The following UGT2B7 variants were observed in gnomAD, a reference collection of about 807,000 sequenced individuals.
UGT2B7 encodes the protein UDP glucuronosyltransferase family 2 member B7, also known as UDP-glucuronosyltransferase 2B7.
In UGT2B7, 51 loss-of-function variants were observed where a neutral mutation model predicts 51.9. The observed-to-expected ratio is 0.98, with a 90% confidence interval of 0.78 to 1.24. The LOEUF (loss-of-function observed/expected upper bound fraction) is 1.24, where lower values mean the gene tolerates loss of function less well. Ranked by LOEUF, UGT2B7 falls within the 50% of genes most tolerant of loss-of-function variation. UGT2B7 has a pLI of 0.00. For synonymous variants in UGT2B7, 225 were observed against 211.6 expected, an observed-to-expected ratio of 1.06 and a Z score of -0.55; for missense variants, 727 against 628.4, an observed-to-expected ratio of 1.16 and a Z score of -1.68.
Position 69,100,661 on chromosome 4 carries a change from G to T in UGT2B7, c.870+1973G>T, listed in dbSNP as rs535730518. Among the ~76,000 whole-genome samples the T allele has an allele frequency of 5.3e-5, 8 of 152,120 alleles. 1 individual carries two copies. In the South Asian group the frequency reaches 6.2e-4, roughly 12 times the overall value. On this transcript the variant is annotated intron_variant, in intron 2 of 5. Coordinates refer to ENST00000305231, the MANE Select transcript of UGT2B7 (RefSeq NM_001074.4). ...GATAGTGTCAGTAGGAGGGGGAAGAGAATAGGAGGTGTAGAAGGACAAGAA... is the reference window on the plus strand; with the variant it reads ...GATAGTGTCAGTAGGAGGGGGAAGATAATAGGAGGTGTAGAAGGACAAGAA...
intron 2 of UGT2B7, among the ~76,000 whole-genome samples, chr4:69,099,558 A>G (rs1266390205): frequency 1.3e-5 from 2 of 152,060 alleles, no homozygotes; most frequent in African/African-American, 4.8e-5. Context: ...TGCAGGATTC[A>G]GGTAGCAGAT....
At chr4:69,074,727 T>C (rs1167208157) in intron 1 of UGT2B7, among the ~76,000 whole-genome samples, 2 of 152,136 alleles carry the variant, frequency 1.3e-5, no homozygotes, top group Non-Finnish European at 2.9e-5. Context: ...TAAATTTTTG[T>C]TCCTTGCTTC....
chr4:69,054,405 T>G (rs1455992043), intron 1 of UGT2B7, among the ~76,000 whole-genome samples: 1 of 152,118 alleles, frequency 6.6e-6, no homozygotes, highest in Non-Finnish European at 1.5e-5. Context: ...AACCTAAACA[T>G]AAAGTCTCCC....
intron 3 of UGT2B7, among the ~76,000 whole-genome samples, chr4:69,103,413 A>G (rs570640567): frequency 6.6e-6 from 1 of 152,112 alleles, no homozygotes; most frequent in Non-Finnish European, 1.5e-5. Context: ...AGTAGTTCCT[A>G]TTAGCATCAG....
intron 1 of UGT2B7, among the ~76,000 whole-genome samples, chr4:69,079,320 T>C (rs1718784528): frequency 6.6e-6 from 1 of 152,122 alleles, no homozygotes; most frequent in Admixed American, 6.6e-5. Flanking sequence ...TTAAAGCACA[T>C]TGAGAAGCTG....
intron 1 of UGT2B7, among the ~76,000 whole-genome samples, chr4:69,073,085 T>C (rs1718633350): frequency 6.6e-6 from 1 of 152,116 alleles, no homozygotes; most frequent in Non-Finnish European, 1.5e-5. Context: ...AGAATTGACA[T>C]ACTAGCGGGT....
At position 69,097,088 on chromosome 4, in the gene UGT2B7, C is replaced by T; in HGVS notation, c.568C>T (p.Pro190Ser). 2 of 1,613,684 alleles carry T rather than the reference C, an allele frequency of 1.2e-6. No individual in the cohort carries two copies. Among genetic ancestry groups the T allele is most frequent in the Non-Finnish European group, 1.7e-6 (2 of 1,179,726 alleles). ...FEKHSGGFIF[P>S]PSYVPVVMSE... ...AAAGCATAGTGGAGGATTTATTTTC[C>T]CTCCTTCCTACGTACCTGTTGTTAT... The change falls in exon 1 of 6, where the codon CCT (proline) becomes TCT (serine). Residue 190 changes from proline (P) to serine (S), a missense_variant. Transcript: ENST00000305231.
chr4:69,069,212 T>C (rs1423174125), intron 1 of UGT2B7, among the ~76,000 whole-genome samples: 1 of 152,086 alleles, frequency 6.6e-6, no homozygotes, highest in African/African-American at 2.4e-5. Flanking sequence ...TACCAACTCT[T>C]GGTCAGCGCC....
chr4:69,108,024 ACT>A (rs1194550498), intron 4 of UGT2B7, 77 bp from the exon 5 acceptor site: 1 of 1,527,890 alleles, frequency 6.5e-7, no homozygotes, highest in African/African-American at 1.4e-5. Flanking sequence ...GCTGGAAAAC[ACT>A]GTCACTTTCA....
At chr4:69,085,416 C>T (rs1290695619) in intron 1 of UGT2B7, among the ~76,000 whole-genome samples, 1 of 151,910 alleles carries the variant, frequency 6.6e-6, no homozygotes, top group Non-Finnish European at 1.5e-5. Flanking sequence ...CTGTAGGTTT[C>T]CTGTTCAGTC....
In UGT2B7 at chr4:69,107,234, C is replaced by T. The variant is rs4348159; in HGVS notation, c.1062C>T (p.Tyr354=). Reference sequence around the variant, plus strand: ...CCTTAGGTCTCAATACTCGGCTCTACAAGTGGATACCCCAGAATGACCTTC... The same window carrying T: ...CCTTAGGTCTCAATACTCGGCTCTATAAGTGGATACCCCAGAATGACCTTC... ...PDTLGLNTRL[Y]KWIPQNDLLG... The change falls in exon 4 of 6, where the codon TAC becomes TAT. Residue 354 remains tyrosine (Y), a synonymous_variant. Coordinates refer to ENST00000305231, the MANE Select transcript of UGT2B7 (RefSeq NM_001074.4). 0.14 allele frequency: 231,398 copies of T among 1,607,194 alleles called. 19,779 individuals are homozygous for T. Among genetic ancestry groups the T allele is most frequent in the Admixed American group, 0.36 (21,088 of 59,380 alleles).
chr4:69,066,238 G>T (rs1223905695), intron 1 of UGT2B7, among the ~76,000 whole-genome samples: 1 of 152,070 alleles, frequency 6.6e-6, no homozygotes, highest in African/African-American at 2.4e-5. Flanking sequence ...GTGTCATGGG[G>T]GTTTGTTTTA....
intron 1 of UGT2B7, among the ~76,000 whole-genome samples, chr4:69,074,864 C>T (rs771624380): frequency 6.6e-6 from 1 of 152,024 alleles, no homozygotes; most frequent in Non-Finnish European, 1.5e-5. Context: ...TTATACTAGG[C>T]TGTATATGTC....
intron 1 of UGT2B7, among the ~76,000 whole-genome samples, chr4:69,063,737 G>A (rs1232962282): frequency 6.6e-6 from 1 of 152,110 alleles, no homozygotes; most frequent in East Asian, 1.9e-4. Context: ...CCTCTTAGGA[G>A]GTTGGTTTTC....
At chr4:69,078,205 T>A (rs993702086) in intron 1 of UGT2B7, among the ~76,000 whole-genome samples, 1 of 152,168 alleles carries the variant, frequency 6.6e-6, no homozygotes, top group Non-Finnish European at 1.5e-5. Context: ...TTTGCCAGCA[T>A]TTTATTTAGG....
intron 5 of UGT2B7, 35 bp from the exon 6 acceptor site, chr4:69,112,422 C>T (rs375479334): frequency 6.3e-6 from 10 of 1,595,652 alleles, no homozygotes; most frequent in Non-Finnish European, 8.5e-6. Context: ...TGTAACTCTT[C>T]CTGCTACATT....
At chr4:69,098,383 T>C (rs1040203716) in intron 1 of UGT2B7, among the ~76,000 whole-genome samples, 157 bp from the exon 2 acceptor site, 46 of 152,044 alleles carry the variant, frequency 3.0e-4, no homozygotes, top group African/African-American at 1.1e-3. Context: ...ATGTAATACA[T>C]AAAATTAAAT....
chr4:69,071,061 A>G (rs1360929418), intron 1 of UGT2B7, among the ~76,000 whole-genome samples: 4 of 152,116 alleles, frequency 2.6e-5, no homozygotes, highest in Admixed American at 1.3e-4. Flanking sequence ...AATACACTTG[A>G]GTTACTATTT....
intron 3 of UGT2B7, among the ~76,000 whole-genome samples, chr4:69,103,957 G>A (rs534705929): frequency 1.1e-4 from 17 of 152,158 alleles, no homozygotes; most frequent in African/African-American, 4.1e-4. Context: ...TGAGGAGTAG[G>A]GGACTAAGGA....
Sources: allele counts gnomAD v4.1 joint callset (sites outside exome capture counted in the v4.1 genomes callset), GRCh38; gene constraint gnomAD v4.1.1; transcripts MANE v1.5; gene names NCBI Gene and HGNC (gene_info 2026-07-23, HGNC 2026-07-21).